REDIC1: variants seen among roughly 807,000 people sequenced by gnomAD.
REDIC1 encodes HEI10 Interacting Protein 1.
the REDIC1 span, among the ~76,000 whole-genome samples, chr12:39,695,044 A>G: frequency 6.6e-6 from 1 of 151,998 alleles, no homozygotes; most frequent in Non-Finnish European, 1.5e-5. Context: ...CAATCCTGGC[A>G]AGATTCATCA....
chr12:39,751,948 C>G, the REDIC1 span, among the ~76,000 whole-genome samples: 598 of 152,080 alleles, frequency 3.9e-3, 4 homozygotes, highest in African/African-American at 0.014. Flanking sequence ...ATATACCTAA[C>G]GTAAATGATG....
chr12:39,857,508 C>T, the REDIC1 span, among the ~76,000 whole-genome samples: 8,718 of 152,264 alleles, frequency 0.057, 311 homozygotes, highest in East Asian at 0.15. Flanking sequence ...CTGTCACCAT[C>T]AAGGTTGCGT....
At chr12:39,644,841 T>C in the REDIC1 span, among the ~76,000 whole-genome samples, 1 of 151,880 alleles carries the variant, frequency 6.6e-6, no homozygotes. Flanking sequence ...GAGAAAAACA[T>C]ACAGATTTAT....
At chr12:39,853,857 T>G in the REDIC1 span, among the ~76,000 whole-genome samples, 1 of 152,174 alleles carries the variant, frequency 6.6e-6, no homozygotes, top group African/African-American at 2.4e-5. Context: ...TGAAAGAGTT[T>G]TATGTTAGTT....
At chr12:39,816,760 A>G in the REDIC1 span, among the ~76,000 whole-genome samples, 3 of 152,102 alleles carry the variant, frequency 2.0e-5, no homozygotes, top group East Asian at 5.8e-4. Context: ...TTATGCTGCA[A>G]GAACCTCTCA....
At chr12:39,852,676 C>A in the REDIC1 span, among the ~76,000 whole-genome samples, 134 of 152,286 alleles carry the variant, frequency 8.8e-4, no homozygotes, top group African/African-American at 3.2e-3. Context: ...CAACTTTCCA[C>A]GCTCAAGGAA....
At chr12:39,713,793 ATG>A in the REDIC1 span, among the ~76,000 whole-genome samples, 11 of 147,984 alleles carry the variant, frequency 7.4e-5, no homozygotes, top group African/African-American at 1.7e-4. Flanking sequence ...ATATACATAG[ATG>A]TATATATGCA....
the REDIC1 span, among the ~76,000 whole-genome samples, chr12:39,634,257 C>A: frequency 1.3e-5 from 2 of 152,222 alleles, no homozygotes; most frequent in African/African-American, 4.8e-5. Context: ...TATAGGAATG[C>A]TTGTGATTTT....
At chr12:39,802,159 C>T in the REDIC1 span, 1 of 152,184 alleles carries the variant, frequency 6.6e-6, no homozygotes, top group Non-Finnish European at 1.5e-5. Flanking sequence ...CATATGGCCT[C>T]ATGCTTAGAA....
the REDIC1 span, among the ~76,000 whole-genome samples, chr12:39,712,061 CATGTATAT>C: frequency 4.2e-3 from 284 of 67,864 alleles, no homozygotes; most frequent in East Asian, 5.8e-3. Context: ...TGTATATATA[CATGTATAT>C]ATACCGGTAT....
chr12:39,714,694 G>T, the REDIC1 span, among the ~76,000 whole-genome samples: 2 of 151,762 alleles, frequency 1.3e-5, no homozygotes, highest in Non-Finnish European at 2.9e-5. Flanking sequence ...ATGTAGAAGT[G>T]TTCCCTGTTC....
At chr12:39,805,022 G>GAC in the REDIC1 span, among the ~76,000 whole-genome samples, 1 of 152,100 alleles carries the variant, frequency 6.6e-6, no homozygotes, top group African/African-American at 2.4e-5. Flanking sequence ...AAGCCTGCTG[G>GAC]AGAGAGAAGC....
chr12:39,874,546 C>T, the REDIC1 span, among the ~76,000 whole-genome samples: 8 of 145,414 alleles, frequency 5.5e-5, no homozygotes, highest in Admixed American at 1.4e-4. Flanking sequence ...ACCTGGGAGG[C>T]GAAGATTGCA....
At chr12:39,649,533 T>A in the REDIC1 span, among the ~76,000 whole-genome samples, 1 of 150,384 alleles carries the variant, frequency 6.6e-6, no homozygotes, top group African/African-American at 2.4e-5. Context: ...CTGACTTTAG[T>A]CTATTTTTTT....
At chr12:39,777,172 C>A in the REDIC1 span, among the ~76,000 whole-genome samples, 1 of 152,186 alleles carries the variant, frequency 6.6e-6, no homozygotes, top group Non-Finnish European at 1.5e-5. Flanking sequence ...TTTCTTCCCG[C>A]TTCCTTTTAT....
At chr12:39,864,573 C>A in the REDIC1 span, among the ~76,000 whole-genome samples, 1 of 152,204 alleles carries the variant, frequency 6.6e-6, no homozygotes, top group Non-Finnish European at 1.5e-5. Context: ...TCCTTACACT[C>A]ACACATCTGC....
At chr12:39,849,428 A>G in the REDIC1 span, among the ~76,000 whole-genome samples, 2 of 152,084 alleles carry the variant, frequency 1.3e-5, no homozygotes, top group Non-Finnish European at 2.9e-5. Context: ...CCTGCCTCTT[A>G]TTTGTGAGAC....
the REDIC1 span, among the ~76,000 whole-genome samples, chr12:39,906,367 G>A: frequency 6.6e-6 from 1 of 151,910 alleles, no homozygotes; most frequent in South Asian, 2.1e-4. Flanking sequence ...GCTGTTTATG[G>A]GGATTGCCTT....
chr12:39,721,648 C>T, the REDIC1 span: 1 of 157,258 alleles, frequency 6.4e-6, no homozygotes, highest in East Asian at 1.9e-4. Flanking sequence ...AAAAATGTTC[C>T]CTTTCAAGAT....
Sources: allele counts gnomAD v4.1 joint callset (sites outside exome capture counted in the v4.1 genomes callset), GRCh38; gene constraint gnomAD v4.1.1; transcripts MANE v1.5; gene names NCBI Gene and HGNC (gene_info 2026-07-23, HGNC 2026-07-21).